LRP1B: variants seen among roughly 807,000 people sequenced by gnomAD.
LRP1B encodes the protein low-density lipoprotein receptor-related protein 1B.
LRP1B carries 217 observed loss-of-function variants against 556.6 expected under a neutral mutation model. The ratio of observed to expected loss-of-function variants is 0.39; its 90% CI spans 0.35 to 0.44. LRP1B has a LOEUF of 0.44. Among genes scored for constraint, LRP1B ranks in the 20% least tolerant of loss-of-function variants. The probability of loss-of-function intolerance (pLI) is 1.00; values close to 1 mark genes in which losing one functional copy is unlikely to be tolerated. For synonymous variants in LRP1B, 2,047 were observed against 1,865.8 expected (o/e 1.10, Z -2.50); for missense variants, 5,053 against 5,620.8 (o/e 0.90, Z 3.23).
intron 1 of LRP1B, among the ~76,000 whole-genome samples, chr2:141,889,333 T>G (rs1210864656): frequency 6.6e-6 from 1 of 152,162 alleles, no homozygotes; most frequent in East Asian, 1.9e-4. Flanking sequence ...CTAAACTCAG[T>G]TCTGAAATTA....
chr2:140,677,272 G>A (rs1177990481), intron 41 of LRP1B, among the ~76,000 whole-genome samples: 2 of 152,200 alleles, frequency 1.3e-5, no homozygotes, highest in Non-Finnish European at 2.9e-5. Context: ...GTGAAAGATG[G>A]CAATGATTTA....
At chr2:140,359,018 TCTTTTA>T (rs1682381230) in intron 72 of LRP1B, 72 bp from the exon 73 acceptor site, 2 of 1,425,976 alleles carry the variant, frequency 1.4e-6, no homozygotes, top group Non-Finnish European at 1.9e-6. Flanking sequence ...TCTTCCTTTT[TCTTTTA>T]TTCTTTTCAA....
chr2:140,779,778 G>GTGTGTT (rs1553531539), intron 32 of LRP1B, among the ~76,000 whole-genome samples: 36 of 150,624 alleles, frequency 2.4e-4, no homozygotes, highest in African/African-American at 7.8e-4. Context: ...GTGTGTGTGT[G>GTGTGTT]TGTGTGTAGC....
intron 1 of LRP1B, among the ~76,000 whole-genome samples, chr2:141,894,109 C>T (rs896992940): frequency 2.6e-5 from 4 of 152,066 alleles, no homozygotes; most frequent in Admixed American, 2.6e-4. Flanking sequence ...TATATCATTA[C>T]CTTTACAAAT....
chr2:140,419,162 A>G (rs1685327988), intron 66 of LRP1B, among the ~76,000 whole-genome samples: 3 of 152,206 alleles, frequency 2.0e-5, no homozygotes, highest in Non-Finnish European at 2.9e-5. Flanking sequence ...TGGAGAGGCC[A>G]CAATCATATC....
rs542628941 is a variant in LRP1B, at chr2:141,530,313, T to A, written c.206-49780A>T. Among the ~76,000 whole-genome samples the A allele has an allele frequency of 6.6e-5, 10 of 152,124 alleles. No homozygotes were observed. The South Asian group carries it at 2.1e-3, about 32-fold the overall frequency. On this transcript the variant is annotated intron_variant, in intron 2 of 90. Transcript: ENST00000389484. ...AGAAGATGTGGAATAGAGAATTAGG[T>A]TTTTACCAAAAGGTCAATATCACCA...
intron 6 of LRP1B, among the ~76,000 whole-genome samples, chr2:141,194,254 C>T (rs577105672): frequency 6.6e-6 from 1 of 152,142 alleles, no homozygotes; most frequent in Non-Finnish European, 1.5e-5. Context: ...ATGTTTTTAA[C>T]GTTTTGAAAA....
chr2:140,286,733 AAATT>A (rs1683167114), intron 84 of LRP1B, among the ~76,000 whole-genome samples: 2 of 151,862 alleles, frequency 1.3e-5, no homozygotes, highest in African/African-American at 2.4e-5. Flanking sequence ...TGATGCTATA[AAATT>A]AATGTTTATT....
At chr2:140,340,698 A>T (rs1681346133) in intron 77 of LRP1B, among the ~76,000 whole-genome samples, 1 of 151,522 alleles carries the variant, frequency 6.6e-6, no homozygotes, top group South Asian at 2.1e-4. Context: ...AACTTTTAAA[A>T]TTAACATGTC....
At chr2:140,444,150 C>A (rs1686550257) in intron 65 of LRP1B, among the ~76,000 whole-genome samples, 180 bp downstream of exon 65, 1 of 152,136 alleles carries the variant, frequency 6.6e-6, no homozygotes, top group Non-Finnish European at 1.5e-5. Context: ...CCCATATTTT[C>A]ATTTTCTCTA....
At chr2:140,237,936 AAT>A (rs1450395152) in intron 89 of LRP1B, among the ~76,000 whole-genome samples, 1 of 150,908 alleles carries the variant, frequency 6.6e-6, no homozygotes, top group African/African-American at 2.4e-5. Context: ...TGAGCAAATA[AAT>A]ATGTGTTTTC....
At chr2:141,668,300 T>C (rs571400742) in intron 2 of LRP1B, among the ~76,000 whole-genome samples, 9 of 152,120 alleles carry the variant, frequency 5.9e-5, no homozygotes, top group Non-Finnish European at 1.2e-4. Flanking sequence ...TAGAGGATGG[T>C]GGTTCTCCAG....
In LRP1B at chr2:140,554,752, T is replaced by A. The variant is rs184560391; in HGVS notation, c.7195-12781A>T. ...AAACATACTTAACTTTCAATAATTATTTACTGATAGAATAGTAAATAAATG... is the reference window on the plus strand; with the variant it reads ...AAACATACTTAACTTTCAATAATTAATTACTGATAGAATAGTAAATAAATG... On this transcript the variant is annotated intron_variant, in intron 43 of 90. Transcript: ENST00000389484. Among the ~76,000 whole-genome samples, 763 of 152,152 alleles carry A rather than the reference T, an allele frequency of 5.0e-3. 6 individuals are homozygous for A. The highest frequency in any genetic ancestry group is 5.9e-3 in the Non-Finnish European group (401 of 67,976).
intron 20 of LRP1B, among the ~76,000 whole-genome samples, chr2:140,944,676 A>G (rs1695492696): frequency 6.6e-6 from 1 of 152,168 alleles, no homozygotes; most frequent in Non-Finnish European, 1.5e-5. Flanking sequence ...GATCATCTCA[A>G]TAGATGCAGA....
At chr2:140,908,365 AATAT>A (rs71834225) in intron 21 of LRP1B, among the ~76,000 whole-genome samples, 19,135 of 140,758 alleles carry the variant, frequency 0.14, 1,369 homozygotes, top group South Asian at 0.15. Context: ...ATATTTATAT[AATAT>A]ATATATATAT....
intron 7 of LRP1B, among the ~76,000 whole-genome samples, chr2:141,093,041 T>C: frequency 7.4e-6 from 1 of 135,414 alleles, no homozygotes; most frequent in Non-Finnish European, 1.6e-5. Flanking sequence ...GAGTCAAGAC[T>C]TTTTTGTTGT....
intron 35 of LRP1B, among the ~76,000 whole-genome samples, chr2:140,731,398 G>C (rs1319647879): frequency 2.0e-5 from 3 of 152,142 alleles, no homozygotes; most frequent in Non-Finnish European, 4.4e-5. Context: ...AATAGTATAA[G>C]AGTTATTAGC....
At chr2:140,708,554 A>T (rs1402588371) in intron 37 of LRP1B, among the ~76,000 whole-genome samples, 1 of 147,316 alleles carries the variant, frequency 6.8e-6, no homozygotes, top group African/African-American at 2.5e-5. Flanking sequence ...CATTAAAAAT[A>T]TTACACCATG....
chr2:140,903,313 AG>A (rs1694157022), intron 22 of LRP1B, 148 bp from the exon 23 acceptor site: 1 of 824,534 alleles, frequency 1.2e-6, no homozygotes, highest in African/African-American at 1.7e-5. Flanking sequence ...TTTTTGCTTC[AG>A]GGGTTGGTAT....
Sources: gnomAD v4.1 joint callset for allele counts (sites outside exome capture counted in the v4.1 genomes callset) on GRCh38, gnomAD v4.1.1 for gene constraint, MANE v1.5 for transcripts, NCBI Gene and HGNC (gene_info 2026-07-23, HGNC 2026-07-21) for gene names.